The following TENT2 variants were observed in gnomAD, a reference collection of about 807,000 sequenced individuals.
TENT2 encodes terminal nucleotidyltransferase 2.
A neutral mutation model predicts 72.2 loss-of-function variants in TENT2; 44 were observed. That is an observed-to-expected ratio of 0.61 (90% CI 0.48 to 0.78). TENT2 has a LOEUF of 0.78. Ranked by LOEUF, TENT2 falls within the 30% of genes least tolerant of loss-of-function variation. TENT2 has a pLI of 0.00. For missense variants in TENT2, 541 were observed against 569.6 expected, an observed-to-expected ratio of 0.95 and a Z score of 0.51; for synonymous variants, 212 against 192.5, an observed-to-expected ratio of 1.10 and a Z score of -0.84.
intron 1 of TENT2, among the ~76,000 whole-genome samples, chr5:79,618,309 C>T (rs183874454): frequency 1.3e-5 from 2 of 152,268 alleles, no homozygotes; most frequent in East Asian, 3.9e-4. Context: ...TCACTACAGC[C>T]TTGACCTCCT....
intron 10 of TENT2, among the ~76,000 whole-genome samples, chr5:79,655,408 G>A (rs1797195341): frequency 6.6e-6 from 1 of 152,040 alleles, no homozygotes; most frequent in African/African-American, 2.4e-5. Context: ...ACCAGAATGA[G>A]ATAAAGGTTT....
chr5:79,649,404 T>TTG (rs1791828362), intron 10 of TENT2, among the ~76,000 whole-genome samples: 1 of 151,716 alleles, frequency 6.6e-6, no homozygotes, highest in Admixed American at 6.6e-5. Context: ...TTTTATTTTT[T>TTG]GGAAGTTTTT....
rs1198511570 is a variant in TENT2, at chr5:79,685,339, A to G, written c.*66A>G. 2 of 1,160,310 alleles carry G rather than the reference A, an allele frequency of 1.7e-6. No individual in the cohort carries two copies. Among genetic ancestry groups the G allele is most frequent in the Non-Finnish European group, 2.4e-6 (2 of 820,124 alleles). 71.9% of individuals were successfully genotyped at this position (1,160,310 alleles called of 1,614,324 possible). A position where few individuals can be genotyped will look rare whatever the true frequency, so the allele number is the denominator to read the frequency against. ...AACAATAGTTTCATCATAATACATT[A>G]TGTTTACCTCCATCATAGTTGCTTT... On this transcript the variant is annotated 3_prime_UTR_variant, in exon 15 of 15. Coordinates refer to ENST00000453514, the MANE Select transcript of TENT2 (RefSeq NM_001114394.3).
Position 79,687,007 on chromosome 5 carries a change from G to A in TENT2, c.*1734G>A, listed in dbSNP as rs1171142174. On this transcript the variant is annotated 3_prime_UTR_variant, in exon 15 of 15. Coordinates refer to ENST00000453514, the MANE Select transcript of TENT2 (RefSeq NM_001114394.3). ...AATACTGTGCAACTTTCAGGGATGG[G>A]TAAGTATGTACCCTCTGCCTCTACA... Among the ~76,000 whole-genome samples the A allele has an allele frequency of 1.3e-5, 2 of 152,222 alleles. No individual in the cohort carries two copies. Among genetic ancestry groups the A allele is most frequent in the South Asian group, 2.1e-4 (1 of 4,828 alleles).
At chr5:79,663,072 TCTTTC>T (rs1561555725) in intron 11 of TENT2, among the ~76,000 whole-genome samples, 1 of 152,232 alleles carries the variant, frequency 6.6e-6, no homozygotes, top group African/African-American at 2.4e-5. Context: ...GTAAATAGCT[TCTTTC>T]CTTAAACCTC....
At chr5:79,660,929 G>A (rs1038288301) in intron 11 of TENT2, among the ~76,000 whole-genome samples, 11 of 152,138 alleles carry the variant, frequency 7.2e-5, no homozygotes, top group East Asian at 5.8e-4. Flanking sequence ...TGATGATCCC[G>A]ATACTGTGTG....
At chr5:79,666,335 A>T (rs1807882796) in intron 11 of TENT2, among the ~76,000 whole-genome samples, 1 of 151,612 alleles carries the variant, frequency 6.6e-6, no homozygotes, top group Non-Finnish European at 1.5e-5. Context: ...ATCTTTCTGT[A>T]ATGTGAATGA....
chr5:79,684,763 G>C (rs1825289800), intron 14 of TENT2, among the ~76,000 whole-genome samples: 1 of 152,078 alleles, frequency 6.6e-6, no homozygotes, highest in Non-Finnish European at 1.5e-5. Flanking sequence ...TAATGAATTG[G>C]AACCATAAAA....
intron 10 of TENT2, among the ~76,000 whole-genome samples, chr5:79,649,430 T>A (rs1374339369): frequency 6.6e-6 from 1 of 151,802 alleles, no homozygotes; most frequent in Non-Finnish European, 1.5e-5. Flanking sequence ...GTCACTTTTG[T>A]TTTCAAAGAA....
chr5:79,672,859 T>A (rs1218833645), intron 12 of TENT2, among the ~76,000 whole-genome samples: 1 of 152,226 alleles, frequency 6.6e-6, no homozygotes, highest in Non-Finnish European at 1.5e-5. Flanking sequence ...GTAGTTCTAC[T>A]TTTAGTTTTG....
intron 4 of TENT2, among the ~76,000 whole-genome samples, chr5:79,629,515 A>AGG (rs1479646646): frequency 6.6e-6 from 1 of 152,174 alleles, no homozygotes; most frequent in Non-Finnish European, 1.5e-5. Context: ...GCATGGTGAG[A>AGG]GGGGGAGCCA....
Position 79,687,133 on chromosome 5 carries a change from G to GCTT in TENT2, c.*1861_*1863dup, listed in dbSNP as rs10641962. On this transcript the variant is annotated 3_prime_UTR_variant, in exon 15 of 15. Coordinates refer to ENST00000453514, the MANE Select transcript of TENT2 (RefSeq NM_001114394.3). ...TTTCAGTGGCCCCACACTTACTACT[G>GCTT]CTTTTCTTTGTTTTACCACGAAAAA... Among the ~76,000 whole-genome samples, 147,006 of 152,164 alleles carry GCTT rather than the reference G, an allele frequency of 0.97. 71,031 individuals carry two copies. The highest frequency in any genetic ancestry group is 1 in the East Asian group (5,185 of 5,186).
rs745335099 is a variant in TENT2, at chr5:79,640,913, G to GA, written c.531dup (p.Glu178ArgfsTer36). 2 of 1,612,446 alleles carry GA rather than the reference G, an allele frequency of 1.2e-6. No homozygotes were observed. Among genetic ancestry groups the GA allele is most frequent in the Non-Finnish European group, 1.7e-6 (2 of 1,179,406 alleles). ...AGCAGCAAATAAGTGATTTAAAGAA[G>GA]AAAGAACTCTGTCGAACACAGCTGC... is the stretch of plus-strand genomic sequence containing the variant. On this transcript the variant is annotated frameshift_variant, in exon 5 of 15. Transcript: ENST00000453514. LOFTEE classifies it high-confidence loss of function.
In TENT2 at chr5:79,685,960, C is replaced by T. The variant is rs1188488562; in HGVS notation, c.*687C>T. Reference sequence around the variant, plus strand: ...CACTGTAGTAATGGGAGCACTAACTCTTACAACAGTTAGTGAATCGTTTTA... The same window carrying T: ...CACTGTAGTAATGGGAGCACTAACTTTTACAACAGTTAGTGAATCGTTTTA... On this transcript the variant is annotated 3_prime_UTR_variant, in exon 15 of 15. Coordinates refer to ENST00000453514, the MANE Select transcript of TENT2 (RefSeq NM_001114394.3). The T allele has an allele frequency of 6.6e-6, 1 of 152,582 alleles. No homozygotes were observed. Among genetic ancestry groups the T allele is most frequent in the Non-Finnish European group, 1.5e-5 (1 of 68,024 alleles). 9.5% of individuals were successfully genotyped at this position (152,582 alleles called of 1,614,324 possible). A position where few individuals can be genotyped will look rare whatever the true frequency, so the allele number is the denominator to read the frequency against.
rs779381405 is a variant in TENT2, at chr5:79,623,297, A to G, written c.273A>G (p.Gln91=). The change falls in exon 4 of 15, where the codon CAA becomes CAG. Residue 91 remains glutamine (Q), a synonymous_variant. Coordinates refer to ENST00000453514, the MANE Select transcript of TENT2 (RefSeq NM_001114394.3). ...ACCTTCCTCTTGACGGTAAACGGCAACGTTTCCATTCACCCCACCAAGAGC... is the reference window on the plus strand; with the variant it reads ...ACCTTCCTCTTGACGGTAAACGGCAGCGTTTCCATTCACCCCACCAAGAGC... The part of the protein sequence containing the change: ...EKNLPLDGKR[Q]RFHSPHQEPT... The G allele has an allele frequency of 2.5e-5, 40 of 1,613,250 alleles. No individual in the cohort carries two copies. The highest frequency in any genetic ancestry group is 6.7e-5 in the East Asian group (3 of 44,862).
chr5:79,635,163 A>G (rs1779067217), intron 4 of TENT2, among the ~76,000 whole-genome samples: 2 of 152,200 alleles, frequency 1.3e-5, no homozygotes, highest in Non-Finnish European at 1.5e-5. Flanking sequence ...AAGAACTATA[A>G]CAACAGTGAG....
chr5:79,633,183 C>A (rs7730160), intron 4 of TENT2, among the ~76,000 whole-genome samples: 30,857 of 152,046 alleles, frequency 0.2, 4,617 homozygotes, highest in African/African-American at 0.42. Context: ...GCTTTATTTT[C>A]CTCAGAAAAT....
At chr5:79,658,661 T>C (rs1348747124) in intron 11 of TENT2, among the ~76,000 whole-genome samples, 2 of 152,222 alleles carry the variant, frequency 1.3e-5, no homozygotes, top group African/African-American at 4.8e-5. Context: ...AATAAACTTA[T>C]CCCAAAATAA....
chr5:79,676,580 C>G (rs1217895682), intron 12 of TENT2, among the ~76,000 whole-genome samples: 1 of 152,026 alleles, frequency 6.6e-6, no homozygotes, highest in Non-Finnish European at 1.5e-5. Flanking sequence ...GAGCAAGACT[C>G]TGACTAATAA....
Sources: gnomAD v4.1 joint callset for allele counts (sites outside exome capture counted in the v4.1 genomes callset) on GRCh38, gnomAD v4.1.1 for gene constraint, MANE v1.5 for transcripts, NCBI Gene and HGNC (gene_info 2026-07-23, HGNC 2026-07-21) for gene names.